The following AFG2A variants were observed in gnomAD, a reference collection of about 807,000 sequenced individuals.
The protein encoded by AFG2A is ATPase family gene 2 protein homolog A.
chr4:123,256,067 G>T, the AFG2A span: 1 of 1,614,008 alleles, frequency 6.2e-7, no homozygotes, highest in Non-Finnish European at 8.5e-7. Context: ...GCCTTTACCG[G>T]ATGCAGCAAC....
the AFG2A span, among the ~76,000 whole-genome samples, chr4:123,135,208 T>C: frequency 7.7e-6 from 1 of 129,550 alleles, no homozygotes; most frequent in Non-Finnish European, 1.7e-5. Flanking sequence ...ACATTCAGCA[T>C]CCTGTCATGA....
the AFG2A span, among the ~76,000 whole-genome samples, chr4:123,236,214 C>A: frequency 6.6e-6 from 1 of 152,172 alleles, no homozygotes; most frequent in African/African-American, 2.4e-5. Context: ...TAAACGCATT[C>A]AAGAACCTTT....
chr4:123,217,428 C>G, the AFG2A span, among the ~76,000 whole-genome samples: 281 of 152,318 alleles, frequency 1.8e-3, 1 homozygote, highest in Admixed American at 6.7e-3. Context: ...TTAAGACTGT[C>G]TTTAGTTTTA....
the AFG2A span, among the ~76,000 whole-genome samples, chr4:122,935,404 T>C: frequency 1.3e-5 from 2 of 152,058 alleles, no homozygotes; most frequent in South Asian, 2.1e-4. Context: ...CTGTGTTGTC[T>C]GTGCTTGGTT....
the AFG2A span, among the ~76,000 whole-genome samples, chr4:123,007,646 C>CATAT: frequency 5.5e-5 from 2 of 36,126 alleles, no homozygotes; most frequent in Non-Finnish European, 7.7e-5. Flanking sequence ...ACACACAACA[C>CATAT]ACACACACAC....
the AFG2A span, among the ~76,000 whole-genome samples, chr4:123,064,596 C>T: frequency 6.6e-6 from 1 of 152,206 alleles, no homozygotes; most frequent in South Asian, 2.1e-4. Context: ...TCTTAGGCAA[C>T]AATCCTGTCA....
the AFG2A span, among the ~76,000 whole-genome samples, chr4:122,966,715 T>C: frequency 6.6e-6 from 1 of 152,236 alleles, no homozygotes; most frequent in Non-Finnish European, 1.5e-5. Context: ...TCGATGTTCC[T>C]GACGTGTTTT....
chr4:122,950,759 G>C, the AFG2A span, among the ~76,000 whole-genome samples: 1 of 152,202 alleles, frequency 6.6e-6, no homozygotes. Context: ...ACAAGTTAAG[G>C]CATAGTGGCA....
the AFG2A span, among the ~76,000 whole-genome samples, chr4:123,034,307 T>C: frequency 8.6e-3 from 1,313 of 152,186 alleles, 19 homozygotes; most frequent in African/African-American, 0.03. Flanking sequence ...TGACTATATA[T>C]ACCCTTGGAT....
At chr4:123,006,820 T>G in the AFG2A span, among the ~76,000 whole-genome samples, 1 of 152,158 alleles carries the variant, frequency 6.6e-6, no homozygotes, top group African/African-American at 2.4e-5. Context: ...ATCTGTGTAC[T>G]TTTTGGATCA....
the AFG2A span, among the ~76,000 whole-genome samples, chr4:123,112,617 T>TTGGCTAA: frequency 6.6e-6 from 1 of 152,226 alleles, no homozygotes; most frequent in Non-Finnish European, 1.5e-5. Flanking sequence ...GTCTGAATGG[T>TTGGCTAA]TGGCTAAAAG....
the AFG2A span, among the ~76,000 whole-genome samples, chr4:123,169,885 G>T: frequency 6.6e-6 from 1 of 152,282 alleles, no homozygotes; most frequent in African/African-American, 2.4e-5. Context: ...AGAGAGTATG[G>T]TTGGTATAGT....
At chr4:122,947,027 GAA>G in the AFG2A span, among the ~76,000 whole-genome samples, 5 of 151,940 alleles carry the variant, frequency 3.3e-5, no homozygotes, top group Admixed American at 2.0e-4. Flanking sequence ...GCTGAACACT[GAA>G]AAATGTATAA....
the AFG2A span, among the ~76,000 whole-genome samples, chr4:123,281,246 T>C: frequency 6.6e-6 from 1 of 152,116 alleles, no homozygotes; most frequent in Non-Finnish European, 1.5e-5. Context: ...ATTACAAAGC[T>C]AACAGGAAAA....
chr4:123,018,805 T>G, the AFG2A span, among the ~76,000 whole-genome samples: 1 of 151,786 alleles, frequency 6.6e-6, no homozygotes, highest in Non-Finnish European at 1.5e-5. Flanking sequence ...AGCTAATTTT[T>G]TTTTTTTTTT....
At chr4:122,995,569 G>A in the AFG2A span, among the ~76,000 whole-genome samples, 9 of 152,126 alleles carry the variant, frequency 5.9e-5, no homozygotes, top group East Asian at 1.7e-3. Context: ...ACTTTTGTTG[G>A]GCTTTTATAA....
chr4:123,148,006 A>G, the AFG2A span, among the ~76,000 whole-genome samples: 1 of 152,354 alleles, frequency 6.6e-6, no homozygotes, highest in East Asian at 1.9e-4. Context: ...ATAGTAGAGT[A>G]GAAGTACAAA....
At chr4:123,196,278 G>C in the AFG2A span, among the ~76,000 whole-genome samples, 1 of 148,962 alleles carries the variant, frequency 6.7e-6, no homozygotes, top group Non-Finnish European at 1.5e-5. Context: ...CAAAGTGCTG[G>C]GATTACAGGT....
At chr4:123,259,177 T>G in the AFG2A span, among the ~76,000 whole-genome samples, 2 of 152,166 alleles carry the variant, frequency 1.3e-5, no homozygotes, top group Admixed American at 6.6e-5. Flanking sequence ...CTGGTACTTT[T>G]AATGGCAGGG....
Sources: allele counts gnomAD v4.1 joint callset (sites outside exome capture counted in the v4.1 genomes callset), GRCh38; gene constraint gnomAD v4.1.1; transcripts MANE v1.5; gene names NCBI Gene and HGNC (gene_info 2026-07-23, HGNC 2026-07-21).